FOXP4: variants seen among roughly 807,000 people sequenced by gnomAD.
The protein encoded by FOXP4 is forkhead box protein P4.
Under a neutral mutation model 82.6 loss-of-function variants are expected in FOXP4, and 25 were observed. The observed-to-expected ratio is 0.30, with a 90% CI of 0.22 to 0.42. The LOEUF (loss-of-function observed/expected upper bound fraction) is 0.42, where lower values mean the gene tolerates loss of function less well. Among genes scored for constraint, FOXP4 ranks in the 10% least tolerant of loss-of-function variants. The pLI, the probability that FOXP4 is intolerant of heterozygous loss-of-function variation, is 1.00. For missense variants in FOXP4, 785 were observed against 900.9 expected (o/e 0.87, Z 1.65); for synonymous variants, 415 against 388.2 (o/e 1.07, Z -0.81).
At chr6:41,569,849 GA>G (rs1463095598) in intron 2 of FOXP4, among the ~76,000 whole-genome samples, 2 of 152,088 alleles carry the variant, frequency 1.3e-5, no homozygotes, top group Non-Finnish European at 2.9e-5. Flanking sequence ...ATCCTGTGAG[GA>G]GATTCAAAAG....
chr6:41,594,769 G>A (rs1041014229), intron 13 of FOXP4, 101 bp from the exon 14 acceptor site: 1 of 1,540,104 alleles, frequency 6.5e-7, no homozygotes, highest in Non-Finnish European at 8.8e-7. Flanking sequence ...AGCTGGGGAA[G>A]GTGGGCCGCT....
intron 2 of FOXP4, among the ~76,000 whole-genome samples, chr6:41,570,887 CT>C (rs1467376375): frequency 6.6e-6 from 1 of 152,178 alleles, no homozygotes; most frequent in Non-Finnish European, 1.5e-5. Flanking sequence ...GGCTTTTCCC[CT>C]GGGGGAGCAC....
Position 41,591,122 on chromosome 6 carries a change from G to A in FOXP4, c.1435-99G>A, listed in dbSNP as rs1218520089. On this transcript the variant is annotated intron_variant, in intron 12 of 16. Transcript: ENST00000307972. The surrounding 1 kb of genome is among the most constrained non-coding windows in gnomAD (Gnocchi z 4.2). Reference sequence around the variant, plus strand: ...GCAGGTCTTCTCACAAAGTGAACTCGGGGCTAGGCAGAAGGGAGAGGTACT... The same window carrying A: ...GCAGGTCTTCTCACAAAGTGAACTCAGGGCTAGGCAGAAGGGAGAGGTACT... The A allele has an allele frequency of 7.4e-6, 7 of 946,540 alleles. No homozygotes were observed. Among genetic ancestry groups the A allele is most frequent in the Middle Eastern group, 2.1e-4 (1 of 4,810 alleles). 58.6% of individuals were successfully genotyped at this position (946,540 alleles called of 1,614,324 possible).
intron 1 of FOXP4, among the ~76,000 whole-genome samples, chr6:41,552,936 C>T (rs1359560371): frequency 1.3e-5 from 2 of 152,182 alleles, no homozygotes; most frequent in African/African-American, 4.8e-5. Context: ...CCCGTCTTCT[C>T]TCTGGGCCTC....
chr6:41,591,130 G>C lies in FOXP4; in HGVS notation c.1435-91G>C. 1 of 1,013,974 alleles carries C rather than the reference G, an allele frequency of 9.9e-7. No individual in the cohort carries two copies. The allele number at this position is 1,013,974 out of a possible 1,614,324, so 62.8% of individuals were successfully genotyped here. A position where few individuals can be genotyped will look rare whatever the true frequency, so the allele number is the denominator to read the frequency against. On this transcript the variant is annotated intron_variant, in intron 12 of 16. Coordinates refer to ENST00000307972, the MANE Select transcript of FOXP4 (RefSeq NM_001012426.2). The surrounding 1 kb of genome is among the most constrained non-coding windows in gnomAD (Gnocchi z 4.2). ...TCTCACAAAGTGAACTCGGGGCTAG[G>C]CAGAAGGGAGAGGTACTGGGGGAGG...
Position 41,591,166 on chromosome 6 carries a change from C to G in FOXP4, c.1435-55C>G. 6.9e-7 allele frequency: 1 copy of G among 1,457,432 alleles called. No homozygotes were observed. Among genetic ancestry groups the G allele is most frequent in the African/African-American group, 1.4e-5 (1 of 71,754 alleles). The allele number at this position is 1,457,432 out of a possible 1,614,324, so 90.3% of individuals were successfully genotyped here. On this transcript the variant is annotated intron_variant, in intron 12 of 16. Transcript: ENST00000307972. The surrounding 1 kb of genome is among the most constrained non-coding windows in gnomAD (Gnocchi z 4.2). Reference sequence around the variant, plus strand: ...AGGTACTGGGGGAGGGAACCCAGGGCTGTGACCCTTCGAGGCCCAGGCTGA... The same window carrying G: ...AGGTACTGGGGGAGGGAACCCAGGGGTGTGACCCTTCGAGGCCCAGGCTGA...
At position 41,584,809 on chromosome 6, in the gene FOXP4, C is replaced by A. The variant is rs1445048782; in HGVS notation, c.341C>A (p.Thr114Asn). 6.2e-7 allele frequency: 1 copy of A among 1,604,838 alleles called. No individual in the cohort carries two copies. The highest frequency in any genetic ancestry group is 8.5e-7 in the Non-Finnish European group (1 of 1,175,996). The change falls in exon 4 of 17, where the codon ACC (threonine) becomes AAC (asparagine). Residue 114 changes from threonine to asparagine, a missense_variant. By Grantham distance (65) the Thr-to-Asn change is moderately conservative. Coordinates refer to ENST00000307972, the MANE Select transcript of FOXP4 (RefSeq NM_001012426.2). ...SVAMMSPQMLTPQQMQQILSP... is the reference protein window; with the variant it reads ...SVAMMSPQMLNPQQMQQILSP... Reference sequence around the variant, plus strand: ...GCCATGATGTCGCCGCAGATGCTTACCCCGCAACAGATGCAGCAGATCCTG... The same window carrying A: ...GCCATGATGTCGCCGCAGATGCTTAACCCGCAACAGATGCAGCAGATCCTG...
chr6:41,584,025 C>T (rs56017384), intron 3 of FOXP4, among the ~76,000 whole-genome samples: 87 of 152,336 alleles, frequency 5.7e-4, no homozygotes, highest in African/African-American at 1.9e-3. Flanking sequence ...TAGAGTCACA[C>T]AGCCAGCTCA....
chr6:41,581,734 C>A (rs1039228801), intron 3 of FOXP4, among the ~76,000 whole-genome samples: 10 of 152,228 alleles, frequency 6.6e-5, no homozygotes, highest in Non-Finnish European at 1.2e-4. Context: ...GAGACGAGTG[C>A]ACACCATGTA....
chr6:41,590,435 TG>T (rs2127398528), intron 12 of FOXP4, 88 bp downstream of exon 12: 1 of 1,419,108 alleles, frequency 7.0e-7, no homozygotes. Context: ...AGGAAGGTCC[TG>T]GGGCCAAGCA....
At chr6:41,597,986 A>T (rs1178378772) in intron 16 of FOXP4, 36 bp downstream of exon 16, 3 of 1,160,156 alleles carry the variant, frequency 2.6e-6, no homozygotes, top group African/African-American at 2.2e-5. Context: ...CCACCCCAGC[A>T]CCCCTCAACC....
At chr6:41,555,705 CTCTTGCCCTCA>C (rs1764237913) in intron 1 of FOXP4, among the ~76,000 whole-genome samples, 1 of 152,346 alleles carries the variant, frequency 6.6e-6, no homozygotes, top group South Asian at 2.1e-4. Context: ...CATTCGGCTC[CTCTTGCCCTCA>C]TCTTTCCCAG....
At chr6:41,577,287 T>C (rs1476050879) in intron 2 of FOXP4, among the ~76,000 whole-genome samples, 1 of 152,172 alleles carries the variant, frequency 6.6e-6, no homozygotes, top group Admixed American at 6.5e-5. Context: ...TCCAGCAGCA[T>C]GCATGTACAA....
intron 7 of FOXP4, 25 bp from the exon 8 acceptor site, chr6:41,587,768 G>A (rs373087966): frequency 1.0e-5 from 15 of 1,491,510 alleles, no homozygotes; most frequent in East Asian, 2.5e-5. Flanking sequence ...GTCCCTGATC[G>A]GCCACCTCCC....
intron 1 of FOXP4, among the ~76,000 whole-genome samples, chr6:41,552,742 A>C (rs1229583481): frequency 2.0e-5 from 3 of 152,110 alleles, no homozygotes; most frequent in Non-Finnish European, 4.4e-5. Flanking sequence ...AAACACTGGA[A>C]GAGGGGACGG....
In FOXP4 at chr6:41,546,953, G is replaced by C. The variant is rs575404590; in HGVS notation, c.-17+86G>C. 1,312 of 151,374 alleles carry C rather than the reference G, an allele frequency of 8.7e-3. 11 individuals are homozygous for C. The highest frequency in any genetic ancestry group is 0.012 in the Non-Finnish European group (805 of 67,764). 9.4% of individuals were successfully genotyped at this position (151,374 alleles called of 1,614,324 possible). A position where few individuals can be genotyped will look rare whatever the true frequency, so the allele number is the denominator to read the frequency against. On this transcript the variant is annotated intron_variant, in intron 1 of 16. Transcript: ENST00000307972. ...CCCTCGCTCGCGCACTCTCTCGCCC[G>C]CTCGCTGGCTCACTTTGTGTTTGCA...
intron 1 of FOXP4, among the ~76,000 whole-genome samples, chr6:41,561,221 G>T (rs1055257728): frequency 1.3e-5 from 2 of 152,210 alleles, no homozygotes. Flanking sequence ...CTCCCCCACG[G>T]GGAATGCTGA....
In FOXP4 at chr6:41,587,135, C is replaced by T. The variant is rs903069040; in HGVS notation, c.637C>T (p.Pro213Ser). The part of the protein sequence containing the change: ...VSLQPNQASG[P>S]LQTLPQAAVC... Reference sequence around the variant, plus strand: ...CCTGCAGCCCAACCAAGCCTCGGGGCCCCTCCAGACCCTTCCGCAAGGTGA... The same window carrying T: ...CCTGCAGCCCAACCAAGCCTCGGGGTCCCTCCAGACCCTTCCGCAAGGTGA... Residue 213 changes from proline to serine, a missense_variant, in exon 6 of 17, where the codon CCC (proline) becomes TCC (serine). Around this residue, in one of 3 missense-constraint regions of FOXP4, gnomAD observed 570 missense variants for 634.0 expected, o/e 0.90. Transcript: ENST00000307972. The T allele has an allele frequency of 6.2e-7, 1 of 1,602,364 alleles. No homozygotes were observed. The highest frequency in any genetic ancestry group is 1.3e-5 in the African/African-American group (1 of 74,932).
In FOXP4 at chr6:41,565,932, C is replaced by G. The variant is rs777816442; in HGVS notation, c.172C>G (p.Pro58Ala). 1.2e-6 allele frequency: 2 copies of G among 1,613,654 alleles called. No homozygotes were observed. The highest frequency in any genetic ancestry group is 1.7e-6 in the Non-Finnish European group (2 of 1,179,916). Residue 58 changes from proline (P) to alanine (A), a missense_variant, in exon 2 of 17, where the codon CCC becomes GCC. Pro to Ala is a conservative substitution (Grantham distance 27). Coordinates refer to ENST00000307972, the MANE Select transcript of FOXP4 (RefSeq NM_001012426.2). ...TGADSNGEMS[P>A]AELLHFQQQQ... ...TGCAGACAGCAATGGTGAGATGAGTCCCGCAGAGCTGCTGCACTTCCAGCA... is the reference window on the plus strand; with the variant it reads ...TGCAGACAGCAATGGTGAGATGAGTGCCGCAGAGCTGCTGCACTTCCAGCA...
Sources: allele counts gnomAD v4.1 joint callset (sites outside exome capture counted in the v4.1 genomes callset), GRCh38; gene constraint gnomAD v4.1.1; regional missense constraint gnomAD v4.1.1; non-coding constraint Gnocchi (gnomAD v3.1); transcripts MANE v1.5; gene names NCBI Gene and HGNC (gene_info 2026-07-23, HGNC 2026-07-21).